Variants in NRXN1 observed in about 807,000 individuals in gnomAD.
NRXN1 encodes the protein neurexin-1.
In NRXN1, 39 loss-of-function variants were observed where a neutral mutation model predicts 150.9. The ratio of observed to expected loss-of-function variants is 0.26; its 90% CI spans 0.20 to 0.34. The LOEUF (loss-of-function observed/expected upper bound fraction) is 0.34. Ranked by LOEUF, NRXN1 falls within the 10% of genes least tolerant of loss-of-function variation. NRXN1 has a pLI of 1.00. For missense variants in NRXN1, 1,815 were observed against 1,949.9 expected (o/e 0.93, Z 1.30); for synonymous variants, 924 against 757.0 (o/e 1.22, Z -3.62).
intron 17 of NRXN1, among the ~76,000 whole-genome samples, chr2:50,278,692 C>G (rs896081552): frequency 6.6e-6 from 1 of 151,928 alleles, no homozygotes; most frequent in African/African-American, 2.4e-5. Flanking sequence ...AAAATTAGGC[C>G]TTACTGAGAA....
chr2:50,565,825 A>G (rs1669760608), intron 8 of NRXN1, among the ~76,000 whole-genome samples: 1 of 152,090 alleles, frequency 6.6e-6, no homozygotes, highest in Admixed American at 6.5e-5. Flanking sequence ...TCCTCCCGTC[A>G]ATACTCTGCC....
At chr2:50,783,873 A>G (rs1433665784) in intron 5 of NRXN1, among the ~76,000 whole-genome samples, 1 of 152,110 alleles carries the variant, frequency 6.6e-6, no homozygotes, top group Non-Finnish European at 1.5e-5. Context: ...GAAAGCTGAT[A>G]GTAAACCGTG....
At chr2:50,157,234 C>T (rs1357570361) in intron 18 of NRXN1, among the ~76,000 whole-genome samples, 1 of 151,884 alleles carries the variant, frequency 6.6e-6, no homozygotes, top group Non-Finnish European at 1.5e-5. Flanking sequence ...TGCATGCATT[C>T]CCAAACAAAA....
At chr2:50,938,898 T>C (rs1414720200) in intron 2 of NRXN1, among the ~76,000 whole-genome samples, 1 of 152,052 alleles carries the variant, frequency 6.6e-6, no homozygotes, top group Non-Finnish European at 1.5e-5. Flanking sequence ...AGGAAGTAAA[T>C]AATTGTAGAT....
At chr2:50,557,703 C>T (rs931442750) in intron 8 of NRXN1, among the ~76,000 whole-genome samples, 1 of 152,124 alleles carries the variant, frequency 6.6e-6, no homozygotes, top group Non-Finnish European at 1.5e-5. Context: ...CAAGTAAATA[C>T]TCATTGTTTT....
intron 2 of NRXN1, among the ~76,000 whole-genome samples, chr2:50,937,542 T>C (rs1333259524): frequency 6.6e-6 from 1 of 152,092 alleles, no homozygotes; most frequent in Non-Finnish European, 1.5e-5. Context: ...CAAAATAAAC[T>C]GAAGGAGTTT....
chr2:50,844,042 G>A (rs1347694321), intron 5 of NRXN1, among the ~76,000 whole-genome samples: 1 of 152,154 alleles, frequency 6.6e-6, no homozygotes, highest in Non-Finnish European at 1.5e-5. Context: ...AGGAAGCAAT[G>A]TGTCGTGAGA....
chr2:50,115,110 CAG>C (rs917390943), intron 18 of NRXN1, among the ~76,000 whole-genome samples: 10 of 149,834 alleles, frequency 6.7e-5, no homozygotes, highest in African/African-American at 2.4e-4. Flanking sequence ...TGTGTAGGAG[CAG>C]AGAGTATTTG....
chr2:50,870,498 G>A (rs1397120618), intron 5 of NRXN1, among the ~76,000 whole-genome samples: 1 of 151,882 alleles, frequency 6.6e-6, no homozygotes, highest in Non-Finnish European at 1.5e-5. Flanking sequence ...ATTCTCAATG[G>A]CTTCCTATGT....
In NRXN1 at chr2:51,027,907, A is replaced by C. The variant is rs1670831174; in HGVS notation, c.367T>G (p.Phe123Val). 6.2e-7 allele frequency: 1 copy of C among 1,609,252 alleles called. No homozygotes were observed. The highest frequency in any genetic ancestry group is 8.5e-7 in the Non-Finnish European group (1 of 1,179,692). The change falls in exon 2 of 23, where the codon TTC (phenylalanine) becomes GTC (valine). Residue 123 changes from phenylalanine (F) to valine (V), a missense_variant. Physicochemically the swap from Phe to Val is conservative, Grantham distance 50 (BLOSUM62 -1). This residue lies in a region of NRXN1 where 554 missense variants were observed against 478.8 expected (regional missense o/e 1.16). Coordinates refer to ENST00000401669, the MANE Select transcript of NRXN1 (RefSeq NM_001330078.2). Reference protein sequence around the residue: ...AWHSVRIRRQFRNTTLFIDQV... With the variant: ...AWHSVRIRRQVRNTTLFIDQV... ...TCGATGAAGAGCGTGGTGTTGCGGA[A>C]CTGGCGGCGGATGCGCACGCTGTGC...
chr2:50,891,979 T>C (rs1681132244), intron 5 of NRXN1, among the ~76,000 whole-genome samples: 1 of 152,108 alleles, frequency 6.6e-6, no homozygotes, highest in Non-Finnish European at 1.5e-5. Context: ...AAAATCCCTG[T>C]ACTTAAGGTA....
At chr2:50,518,922 C>G (rs1057492730) in intron 12 of NRXN1, among the ~76,000 whole-genome samples, 7 of 151,740 alleles carry the variant, frequency 4.6e-5, no homozygotes, top group Admixed American at 3.3e-4. Flanking sequence ...GAAAAAAACC[C>G]TAAGTTTCTG....
intron 5 of NRXN1, among the ~76,000 whole-genome samples, chr2:50,729,993 A>C (rs1697893865): frequency 6.6e-6 from 1 of 152,070 alleles, no homozygotes; most frequent in Admixed American, 6.6e-5. Flanking sequence ...TTCTTGACTA[A>C]AGTAGTTCTC....
At chr2:50,393,786 GAC>G (rs2081890426) in intron 17 of NRXN1, among the ~76,000 whole-genome samples, 1 of 152,044 alleles carries the variant, frequency 6.6e-6, no homozygotes, top group South Asian at 2.1e-4. Flanking sequence ...ACTTGCTGCT[GAC>G]ACATACAATT....
chr2:50,731,419 G>C (rs1293705769), intron 5 of NRXN1, among the ~76,000 whole-genome samples: 1 of 152,068 alleles, frequency 6.6e-6, no homozygotes, highest in East Asian at 1.9e-4. Flanking sequence ...CCACATACCA[G>C]GAAACATCTT....
chr2:50,039,718 A>T (rs187814805), intron 21 of NRXN1, among the ~76,000 whole-genome samples: 2 of 152,304 alleles, frequency 1.3e-5, no homozygotes, highest in African/African-American at 2.4e-5. Flanking sequence ...TGATAGAATT[A>T]AAACTGTGAC....
chr2:50,737,907 T>A (rs1000187756), intron 5 of NRXN1, among the ~76,000 whole-genome samples: 4 of 152,152 alleles, frequency 2.6e-5, no homozygotes, highest in African/African-American at 9.7e-5. Flanking sequence ...TCTTTTTTTT[T>A]AATCACTGGC....
At chr2:50,857,519 T>A (rs1675447785) in intron 5 of NRXN1, among the ~76,000 whole-genome samples, 1 of 152,070 alleles carries the variant, frequency 6.6e-6, no homozygotes, top group Non-Finnish European at 1.5e-5. Flanking sequence ...TTGGAGAGCT[T>A]AAACAGAAAA....
intron 5 of NRXN1, among the ~76,000 whole-genome samples, chr2:50,755,787 T>C (rs563222873): frequency 6.6e-6 from 1 of 151,990 alleles, no homozygotes; most frequent in South Asian, 2.1e-4. Context: ...CAGATCCAGT[T>C]GTTCTTTAAT....
Sources: allele counts gnomAD v4.1 joint callset (sites outside exome capture counted in the v4.1 genomes callset), GRCh38; gene constraint gnomAD v4.1.1; regional missense constraint gnomAD v4.1.1; transcripts MANE v1.5; gene names NCBI Gene and HGNC (gene_info 2026-07-23, HGNC 2026-07-21).